The following ORC2 variants were observed in gnomAD, a reference collection of about 807,000 sequenced individuals.
ORC2 encodes the protein origin recognition complex subunit 2, also known as origin recognition complex protein 2 homolog.
Under a neutral mutation model 77.7 loss-of-function variants are expected in ORC2, and 37 were observed. The observed-to-expected ratio is 0.48, with a 90% CI of 0.37 to 0.63. ORC2 has a LOEUF of 0.63. ORC2 is among the 20% of genes least tolerant of loss of function. The pLI is 0.00. For missense variants in ORC2, 557 were observed against 661.9 expected (o/e 0.84, Z 1.74); for synonymous variants, 201 against 229.5 (o/e 0.88, Z 1.12).
Position 200,944,189 on chromosome 2 carries a change from T to G in ORC2, c.329-1412A>C, listed in dbSNP as rs16836153. On this transcript the variant is annotated intron_variant, in intron 5 of 17. Coordinates refer to ENST00000234296, the MANE Select transcript of ORC2 (RefSeq NM_006190.5). ...TTAAGAACAAGATAGTCTCTTTTTT[T>G]TTGAGATAGAGTCTTGCTCTGTCGC... is the stretch of plus-strand genomic sequence containing the variant. Among the ~76,000 whole-genome samples, 829 of 152,270 alleles carry G rather than the reference T, an allele frequency of 5.4e-3. 8 individuals carry two copies. The highest frequency in any genetic ancestry group is 0.041 in the Middle Eastern group (12 of 294).
At chr2:200,913,069 C>CT (rs1481604723) in intron 17 of ORC2, among the ~76,000 whole-genome samples, 1 of 152,198 alleles carries the variant, frequency 6.6e-6, no homozygotes, top group East Asian at 1.9e-4. Flanking sequence ...TTCTAATTGC[C>CT]TATTACTCTG....
At chr2:200,935,160 T>C (rs11900736) in intron 9 of ORC2, among the ~76,000 whole-genome samples, 7,177 of 152,304 alleles carry the variant, frequency 0.047, 542 homozygotes, top group African/African-American at 0.16. Context: ...GTTTCGTTCT[T>C]ATTGCCCAGG....
At chr2:200,954,441 T>G (rs959753741) in intron 4 of ORC2, among the ~76,000 whole-genome samples, 4 of 152,222 alleles carry the variant, frequency 2.6e-5, no homozygotes, top group Admixed American at 2.0e-4. Context: ...TAGAAGAATG[T>G]CTAATGACAG....
intron 4 of ORC2, among the ~76,000 whole-genome samples, chr2:200,953,411 G>GT (rs774446171): frequency 2.5e-3 from 297 of 121,206 alleles, no homozygotes; most frequent in Middle Eastern, 7.9e-3. Context: ...AAGGGCTACT[G>GT]TTTTTTTTTT....
intron 7 of ORC2, among the ~76,000 whole-genome samples, chr2:200,940,463 AAC>A (rs1182900490): frequency 6.6e-6 from 1 of 152,038 alleles, no homozygotes; most frequent in Non-Finnish European, 1.5e-5. Flanking sequence ...CCTTTCATGG[AAC>A]ACTCACCACT....
chr2:200,949,836 G>A (rs1369278256), intron 4 of ORC2, among the ~76,000 whole-genome samples, 193 bp from the exon 5 acceptor site: 2 of 152,054 alleles, frequency 1.3e-5, no homozygotes, highest in Non-Finnish European at 2.9e-5. Context: ...GTTTTAACAT[G>A]CTATTCAAAG....
intron 11 of ORC2, among the ~76,000 whole-genome samples, chr2:200,930,892 A>G (rs1319408619): frequency 6.6e-6 from 1 of 152,228 alleles, no homozygotes; most frequent in Non-Finnish European, 1.5e-5. Flanking sequence ...AATAATGCTT[A>G]TAGAACAAAT....
At chr2:200,952,829 G>A (rs1056776180) in intron 4 of ORC2, among the ~76,000 whole-genome samples, 2 of 151,074 alleles carry the variant, frequency 1.3e-5, no homozygotes, top group African/African-American at 4.9e-5. Flanking sequence ...AAAAAAAGCA[G>A]GCTGGGCATA....
chr2:200,960,466 G>A (rs780403127), intron 1 of ORC2, among the ~76,000 whole-genome samples: 6 of 151,994 alleles, frequency 3.9e-5, no homozygotes, highest in Non-Finnish European at 7.4e-5. Context: ...CCTATTATGG[G>A]GAAACTGGGT....
chr2:200,915,851 G>A (rs1051283087), intron 15 of ORC2, among the ~76,000 whole-genome samples: 4 of 151,912 alleles, frequency 2.6e-5, no homozygotes, highest in Admixed American at 6.6e-5. Context: ...ACACCACCAC[G>A]CCCAGCTAAT....
chr2:200,914,068 C>A, intron 15 of ORC2, 76 bp from the exon 16 acceptor site: 2 of 877,280 alleles, frequency 2.3e-6, no homozygotes, highest in South Asian at 3.4e-5. Context: ...GTAAAATACA[C>A]AAAGAAAATG....
intron 5 of ORC2, among the ~76,000 whole-genome samples, chr2:200,945,012 T>C (rs1249546607): frequency 6.6e-6 from 1 of 152,218 alleles, no homozygotes; most frequent in Non-Finnish European, 1.5e-5. Context: ...ATACGTATTG[T>C]CTGTGGCTGC....
At chr2:200,944,648 C>A (rs907292794) in intron 5 of ORC2, among the ~76,000 whole-genome samples, 1 of 152,136 alleles carries the variant, frequency 6.6e-6, no homozygotes, top group Admixed American at 6.5e-5. Flanking sequence ...CCAAGCAATC[C>A]TCCCACCTCA....
In ORC2 at chr2:200,910,117, T is replaced by C. The variant is rs566074438; in HGVS notation, c.*1184A>G. On this transcript the variant is annotated 3_prime_UTR_variant, in exon 18 of 18. Transcript: ENST00000234296. ...AATTATTTAAAAATTCCAAGGATTTTTGGAAATATTTTCATGAAAGAGGTT... is the reference window on the plus strand; with the variant it reads ...AATTATTTAAAAATTCCAAGGATTTCTGGAAATATTTTCATGAAAGAGGTT... 4 of 152,330 alleles carry C rather than the reference T, an allele frequency of 2.6e-5. No individual in the cohort carries two copies. The highest frequency in any genetic ancestry group is 9.6e-5 in the African/African-American group (4 of 41,562). 9.4% of individuals were successfully genotyped at this position (152,330 alleles called of 1,614,324 possible). A position where few individuals can be genotyped will look rare whatever the true frequency, so the allele number is the denominator to read the frequency against.
At chr2:200,953,504 G>A (rs1575184036) in intron 4 of ORC2, among the ~76,000 whole-genome samples, 1 of 151,638 alleles carries the variant, frequency 6.6e-6, no homozygotes, top group South Asian at 2.1e-4. Flanking sequence ...GTAAAATGGT[G>A]CAGCCACTGT....
chr2:200,937,990 T>G (rs1457457174), intron 7 of ORC2, 24 bp from the exon 8 acceptor site: 3 of 1,513,546 alleles, frequency 2.0e-6, no homozygotes, highest in Admixed American at 3.7e-5. Flanking sequence ...GAAAAAGCAT[T>G]AAATAATAAC....
At chr2:200,928,966 A>G (rs1158293221) in intron 11 of ORC2, among the ~76,000 whole-genome samples, 1 of 151,978 alleles carries the variant, frequency 6.6e-6, no homozygotes, top group Non-Finnish European at 1.5e-5. Context: ...ATGAGCATTT[A>G]TTTATTTATT....
intron 13 of ORC2, chr2:200,921,767 G>T (rs1197663045): frequency 6.6e-6 from 1 of 152,288 alleles, no homozygotes; most frequent in African/African-American, 2.4e-5. Context: ...CTCCCGAGTA[G>T]CTGGGACTAT....
chr2:200,949,476 T>C (rs1382870362), intron 5 of ORC2, 78 bp downstream of exon 5: 5 of 769,064 alleles, frequency 6.5e-6, no homozygotes, highest in South Asian at 1.6e-5. Context: ...TGTAGTGGTA[T>C]AATAATCATG....
Sources: gnomAD v4.1 joint callset for allele counts (sites outside exome capture counted in the v4.1 genomes callset) on GRCh38, gnomAD v4.1.1 for gene constraint, MANE v1.5 for transcripts, NCBI Gene and HGNC (gene_info 2026-07-23, HGNC 2026-07-21) for gene names.